The following ERBB4 variants were observed in gnomAD, a reference collection of about 807,000 sequenced individuals.
ERBB4 encodes receptor tyrosine-protein kinase erbB-4.
Under a neutral mutation model 158.0 loss-of-function variants are expected in ERBB4, and 42 were observed. That is an observed-to-expected ratio of 0.27 (90% CI 0.21 to 0.34). The LOEUF is 0.34. Ranked by LOEUF, ERBB4 falls within the 10% of genes least tolerant of loss-of-function variation. ERBB4 has a pLI of 1.00. For synonymous variants in ERBB4, 583 were observed against 558.7 expected (o/e 1.04, Z -0.61); for missense variants, 1,333 against 1,624.1 (o/e 0.82, Z 3.08).
intron 2 of ERBB4, among the ~76,000 whole-genome samples, chr2:212,042,060 G>C (rs936136281): frequency 6.6e-5 from 10 of 151,936 alleles, no homozygotes; most frequent in Non-Finnish European, 1.2e-4. Context: ...CCTTCGGTTT[G>C]CTTTAGTGGT....
chr2:212,344,131 C>T (rs1459314542), intron 1 of ERBB4, among the ~76,000 whole-genome samples: 1 of 152,074 alleles, frequency 6.6e-6, no homozygotes, highest in Non-Finnish European at 1.5e-5. Flanking sequence ...GCATTATATA[C>T]AGGTAGTTAT....
chr2:212,431,306 TAAAAAA>T (rs35419362), intron 1 of ERBB4, among the ~76,000 whole-genome samples: 5 of 86,886 alleles, frequency 5.8e-5, no homozygotes, highest in African/African-American at 8.5e-5. Context: ...CTGCTCATAT[TAAAAAA>T]AAAAAAAAAA....
At chr2:211,552,745 T>A (rs1406393813) in intron 20 of ERBB4, among the ~76,000 whole-genome samples, 1 of 152,140 alleles carries the variant, frequency 6.6e-6, no homozygotes, top group African/African-American at 2.4e-5. Context: ...GATATATGTA[T>A]CATAAAAAAG....
intron 1 of ERBB4, among the ~76,000 whole-genome samples, chr2:212,309,416 A>G (rs2086938514): frequency 6.6e-6 from 1 of 150,916 alleles, no homozygotes; most frequent in Admixed American, 6.6e-5. Context: ...GCAAAGATGA[A>G]TGAAACAGTT....
At chr2:211,474,210 T>C (rs2064898898) in intron 20 of ERBB4, among the ~76,000 whole-genome samples, 1 of 152,048 alleles carries the variant, frequency 6.6e-6, no homozygotes, top group Non-Finnish European at 1.5e-5. Context: ...ATTATATAAG[T>C]AATAAATAAT....
intron 15 of ERBB4, among the ~76,000 whole-genome samples, chr2:211,663,702 T>C (rs551290690): frequency 7.9e-5 from 12 of 152,300 alleles, no homozygotes; most frequent in African/African-American, 2.6e-4. Flanking sequence ...AATGGCCTCA[T>C]TGTAATTAGA....
chr2:211,779,454 A>G (rs2075980703), intron 4 of ERBB4: 5 of 152,218 alleles, frequency 3.3e-5, no homozygotes, highest in Admixed American at 2.0e-4. Context: ...AGTCAGACCT[A>G]TGCTAAAATC....
chr2:211,772,844 T>C lies in ERBB4; in HGVS notation c.556+15181A>G, dbSNP rs1200189151. Among the ~76,000 whole-genome samples the C allele has an allele frequency of 9.1e-3, 593 of 65,136 alleles. 14 individuals are homozygous for C. Among genetic ancestry groups the C allele is most frequent in the South Asian group, 0.019 (31 of 1,632 alleles). The allele number at this position is 65,136 out of a possible 152,430, so 42.7% of individuals were successfully genotyped here. On this transcript the variant is annotated intron_variant, in intron 4 of 27. Coordinates refer to ENST00000342788, the MANE Select transcript of ERBB4 (RefSeq NM_005235.3). ...ATATATATATATATATACACATATA[T>C]ATATATATATATATATATATATATA...
At chr2:211,966,968 A>G (rs2081326367) in intron 2 of ERBB4, among the ~76,000 whole-genome samples, 1 of 152,176 alleles carries the variant, frequency 6.6e-6, no homozygotes, top group African/African-American at 2.4e-5. Context: ...TGTCCTCTAC[A>G]GTGCCTAACG....
chr2:211,760,433 T>A (rs1191641541), intron 4 of ERBB4, among the ~76,000 whole-genome samples: 1 of 152,188 alleles, frequency 6.6e-6, no homozygotes, highest in Non-Finnish European at 1.5e-5. Context: ...AATACTCTTA[T>A]GGAGAATAAT....
At chr2:211,953,439 T>C (rs1398116216) in intron 2 of ERBB4, among the ~76,000 whole-genome samples, 1 of 147,480 alleles carries the variant, frequency 6.8e-6, no homozygotes, top group Non-Finnish European at 1.5e-5. Flanking sequence ...TGGCGATGTC[T>C]TTGATATTAA....
At chr2:212,187,265 C>T (rs2082041312) in intron 1 of ERBB4, among the ~76,000 whole-genome samples, 1 of 151,956 alleles carries the variant, frequency 6.6e-6, no homozygotes, top group Non-Finnish European at 1.5e-5. Flanking sequence ...GTCACAATTA[C>T]CAGCATGTGA....
At position 212,342,151 on chromosome 2, in the gene ERBB4, C is replaced by T. The variant is rs529964664; in HGVS notation, c.82+196298G>A. ...TGTTGACATGCATTTGTGGTCCCAG[C>T]TATTTGGGAGGCTGAGGTGTTGCTT... On this transcript the variant is annotated intron_variant, in intron 1 of 27. Coordinates refer to ENST00000342788, the MANE Select transcript of ERBB4 (RefSeq NM_005235.3). Among the ~76,000 whole-genome samples the T allele has an allele frequency of 5.3e-5, 8 of 152,220 alleles. No homozygotes were observed. The East Asian group carries it at 1.5e-3, about 29-fold the overall frequency.
chr2:211,551,000 G>C (rs1425050089), intron 20 of ERBB4, among the ~76,000 whole-genome samples: 2 of 151,216 alleles, frequency 1.3e-5, no homozygotes, highest in Non-Finnish European at 2.9e-5. Context: ...GAGTGCAGTG[G>C]TGCAATCACA....
intron 4 of ERBB4, among the ~76,000 whole-genome samples, chr2:211,766,898 G>T (rs2075562344): frequency 6.6e-6 from 1 of 152,182 alleles, no homozygotes; most frequent in Admixed American, 6.5e-5. Flanking sequence ...CGGTCAGACT[G>T]GTCATGTCGG....
intron 1 of ERBB4, among the ~76,000 whole-genome samples, chr2:212,349,580 T>C (rs936136783): frequency 2.0e-5 from 3 of 152,136 alleles, no homozygotes; most frequent in Admixed American, 6.6e-5. Context: ...GGAACTGATG[T>C]CCCCAAGAAA....
At chr2:212,092,804 C>T (rs1280270566) in intron 2 of ERBB4, among the ~76,000 whole-genome samples, 3 of 151,896 alleles carry the variant, frequency 2.0e-5, no homozygotes, top group African/African-American at 4.8e-5. Flanking sequence ...ACATCACAAC[C>T]GGGGCCTGTC....
At chr2:212,529,253 T>G (rs1181473610) in intron 1 of ERBB4, among the ~76,000 whole-genome samples, 1 of 152,132 alleles carries the variant, frequency 6.6e-6, no homozygotes, top group African/African-American at 2.4e-5. Context: ...AAGTAAGAAA[T>G]AGCAAAATAA....
Position 212,371,465 on chromosome 2 carries a change from CT to C in ERBB4, c.82+166983del, listed in dbSNP as rs984353110. Reference sequence around the variant, plus strand: ...GTTTCCATCTCCTACATGCTGGTTTCTTTCTTTCTCATTTTGAATTAAACAA... The same window carrying C: ...GTTTCCATCTCCTACATGCTGGTTTCTTCTTTCTCATTTTGAATTAAACAA... On this transcript the variant is annotated intron_variant, in intron 1 of 27. Transcript: ENST00000342788. 4.6e-5 allele frequency among the ~76,000 whole-genome samples: 7 copies of C among 151,650 alleles called. No individual in the cohort carries two copies. In the South Asian group the frequency reaches 6.2e-4, roughly 13 times the overall value.
Sources: allele counts gnomAD v4.1 joint callset (sites outside exome capture counted in the v4.1 genomes callset), GRCh38; gene constraint gnomAD v4.1.1; transcripts MANE v1.5; gene names NCBI Gene and HGNC (gene_info 2026-07-23, HGNC 2026-07-21).